The following FDPS variants were observed in gnomAD, a reference collection of about 807,000 sequenced individuals.
FDPS encodes farnesyl diphosphate synthase.
In FDPS, 29 loss-of-function variants were observed where a neutral mutation model predicts 49.5. That is an observed-to-expected ratio of 0.59 (90% confidence interval 0.44 to 0.80). The LOEUF (loss-of-function observed/expected upper bound fraction) is 0.80, where lower values mean the gene tolerates loss of function less well. Ranked by LOEUF, FDPS falls within the 30% of genes least tolerant of loss-of-function variation. The pLI, the probability that FDPS is intolerant of heterozygous loss-of-function variation, is 0.00. For synonymous variants in FDPS, 172 were observed against 206.4 expected (o/e 0.83, Z 1.43); for missense variants, 414 against 525.6 (o/e 0.79, Z 2.08).
Position 155,318,125 on chromosome 1 carries a change from C to A in FDPS, c.562-44C>A. 6.2e-7 allele frequency: 1 copy of A among 1,613,822 alleles called. No individual in the cohort carries two copies. Among genetic ancestry groups the A allele is most frequent in the Non-Finnish European group, 8.5e-7 (1 of 1,179,924 alleles). The stretch of plus-strand genomic sequence containing the variant: ...TGGGGTGATGGCTCTTAGTATGAAC[C>A]GAGACTAGAGATTGATTGCTTGTTT... On this transcript the variant is annotated intron_variant, in intron 5 of 10. Coordinates refer to ENST00000368356, the MANE Select transcript of FDPS (RefSeq NM_002004.4). The surrounding 1 kb of genome is among the most constrained non-coding windows in gnomAD (Gnocchi z 4.2).
At position 155,317,999 on chromosome 1, in the gene FDPS, G is replaced by T. The variant is rs932949076; in HGVS notation, c.539G>T (p.Gly180Val). The change falls in exon 5 of 11, where the codon GGA becomes GTA. Residue 180 changes from glycine to valine, a missense_variant. Transcript: ENST00000368356. Reference sequence around the variant, plus strand: ...ATGGATTCATCCCTTACCCGCCGGGGACAGATCTGCTGGTATCAGAAGGTA... The same window carrying T: ...ATGGATTCATCCCTTACCCGCCGGGTACAGATCTGCTGGTATCAGAAGGTA... ...DIMDSSLTRR[G>V]QICWYQKPGV... 3.5e-5 allele frequency: 57 copies of T among 1,613,780 alleles called. No individual in the cohort carries two copies. The highest frequency in any genetic ancestry group is 4.2e-5 in the Non-Finnish European group (50 of 1,180,026).
chr1:155,319,109 A>C (rs1030029568), intron 8 of FDPS, among the ~76,000 whole-genome samples, 181 bp downstream of exon 8: 1 of 152,210 alleles, frequency 6.6e-6, no homozygotes, highest in Non-Finnish European at 1.5e-5. Context: ...AGGACTGTAA[A>C]GATTAAGCAA....
At position 155,320,128 on chromosome 1, in the gene FDPS, G is replaced by C. The variant is rs564760041; in HGVS notation, c.1059+200G>C. 83 of 679,396 alleles carry C rather than the reference G, an allele frequency of 1.2e-4. No homozygotes were observed. In the East Asian group the frequency reaches 1.8e-3, roughly 14 times the overall value. 42.1% of individuals were successfully genotyped at this position (679,396 alleles called of 1,614,324 possible). A position where few individuals can be genotyped will look rare whatever the true frequency, so the allele number is the denominator to read the frequency against. On this transcript the variant is annotated intron_variant, in intron 10 of 10. Transcript: ENST00000368356. ...AGCCAAAGATGTTGCCAAACATGTA[G>C]TACACAGAACAGCTCCCCCAGACAG...
At position 155,320,489 on chromosome 1, in the gene FDPS, C is replaced by A. The variant is rs1650239413; in HGVS notation, c.1140C>A (p.Phe380Leu). 1 of 1,613,892 alleles carries A rather than the reference C, an allele frequency of 6.2e-7. No homozygotes were observed. The highest frequency in any genetic ancestry group is 8.5e-7 in the Non-Finnish European group (1 of 1,180,030). The change falls in exon 11 of 11, where the codon TTC (phenylalanine) becomes TTA (leucine). Residue 380 changes from phenylalanine (F) to leucine (L), a missense_variant. Phe to Leu is a conservative substitution (Grantham distance 22). Coordinates refer to ENST00000368356, the MANE Select transcript of FDPS (RefSeq NM_002004.4). ...LYEELDLPAV[F>L]LQYEEDSYSH... is the part of the protein sequence containing the mutation. ...AGGAGCTGGATCTGCCAGCAGTGTT[C>A]TTGCAATATGAGGAAGACAGTTACA...
intron 4 of FDPS, among the ~76,000 whole-genome samples, chr1:155,314,470 C>T (rs10796941): frequency 0.27 from 40,187 of 151,314 alleles, 5,935 homozygotes; most frequent in East Asian, 0.72. Flanking sequence ...TGAGCCACCA[C>T]GCCTGGTCTA....
intron 10 of FDPS, 153 bp downstream of exon 10, chr1:155,320,081 G>A (rs1365116002): frequency 2.3e-6 from 2 of 881,676 alleles, no homozygotes; most frequent in African/African-American, 1.7e-5. Context: ...TGTGCATGTG[G>A]TACAGACATC....
intron 3 of FDPS, among the ~76,000 whole-genome samples, chr1:155,311,324 G>T (rs1648779446): frequency 6.6e-6 from 1 of 152,158 alleles, no homozygotes; most frequent in Non-Finnish European, 1.5e-5. Context: ...GAGTGACATA[G>T]CGAGATGAAG....
intron 9 of FDPS, 40 bp downstream of exon 9, chr1:155,319,728 C>A: frequency 6.2e-7 from 1 of 1,613,908 alleles, no homozygotes; most frequent in East Asian, 2.2e-5. Context: ...CAGGCACCAG[C>A]TTCACTCCTC....
chr1:155,316,452 C>A (rs1413026851), intron 4 of FDPS, among the ~76,000 whole-genome samples: 1 of 151,968 alleles, frequency 6.6e-6, no homozygotes, highest in Admixed American at 6.6e-5. Flanking sequence ...ACCCTTGTCT[C>A]TTTAAAAAAG....
intron 4 of FDPS, chr1:155,312,608 T>C: frequency 3.6e-6 from 2 of 549,840 alleles, no homozygotes; most frequent in Non-Finnish European, 6.5e-6. Flanking sequence ...TGTAGATAGT[T>C]GTAGACAGTG....
At position 155,314,926 on chromosome 1, in the gene FDPS, A is replaced by G. The variant is rs189142616; in HGVS notation, c.480+2531A>G. 1.9e-3 allele frequency among the ~76,000 whole-genome samples: 286 copies of G among 152,148 alleles called. 3 individuals are homozygous for G. Among genetic ancestry groups the G allele is most frequent in the Non-Finnish European group, 1.8e-3 (122 of 68,012 alleles). On this transcript the variant is annotated intron_variant, in intron 4 of 10. Transcript: ENST00000368356. ...GTTGAGTGGTGGTGGCTGAAACAAG[A>G]TTGTCCTTGCAGTCACCCTTGGGAG...
chr1:155,310,074 G>A lies in FDPS; in HGVS notation c.208G>A (p.Asp70Asn), dbSNP rs937969772. 6.2e-7 allele frequency: 1 copy of A among 1,613,834 alleles called. No individual in the cohort carries two copies. Residue 70 changes from aspartate to asparagine, a missense_variant, in exon 3 of 11, where the codon GAC becomes AAC. By Grantham distance (23) the Asp-to-Asn change is conservative (BLOSUM62 1). Transcript: ENST00000368356. ...ALCSSLRMNG[D>N]QNSDVYAQEK... ...TTGCTCCTCCCTCAGAATGAACGGA[G>A]ACCAGAATTCAGATGTTTATGCCCA...
At chr1:155,316,549 A>G (rs1043004185) in intron 4 of FDPS, among the ~76,000 whole-genome samples, 4 of 152,086 alleles carry the variant, frequency 2.6e-5, no homozygotes, top group Non-Finnish European at 4.4e-5. Context: ...AGGCCGAGGC[A>G]GGCGGATCAC....
intron 1 of FDPS, 158 bp from the exon 2 acceptor site, chr1:155,309,631 C>T (rs1648570728): frequency 8.3e-6 from 5 of 605,104 alleles, no homozygotes; most frequent in Middle Eastern, 4.5e-4. Context: ...CCCTGCGTAT[C>T]CTTCCTGTAA....
Position 155,312,566 on chromosome 1 carries a change from G to T in FDPS, c.480+171G>T. The T allele has an allele frequency of 4.4e-6, 3 of 680,078 alleles. No homozygotes were observed. The South Asian group carries it at 5.6e-5, about 13-fold the overall frequency. 42.1% of individuals were successfully genotyped at this position (680,078 alleles called of 1,614,324 possible). A position where few individuals can be genotyped will look rare whatever the true frequency, so the allele number is the denominator to read the frequency against. ...CACTCCAAGGGTTAACTAATGTGGG[G>T]AGCCTCTTTTGGCATTAGGTATGAA... On this transcript the variant is annotated intron_variant, in intron 4 of 10. Coordinates refer to ENST00000368356, the MANE Select transcript of FDPS (RefSeq NM_002004.4).
chr1:155,319,474 T>G, intron 8 of FDPS, 137 bp from the exon 9 acceptor site: 1 of 852,038 alleles, frequency 1.2e-6, no homozygotes, highest in Non-Finnish European at 1.9e-6. Context: ...CAGGACTGTC[T>G]AGGTCAGGGA....
chr1:155,313,225 C>T lies in FDPS; in HGVS notation c.480+830C>T, dbSNP rs117811838. ...CTGAGTGGATGCAACTTCTGCAAGACGGCATGTGTTCTCCTGTGTGCTTTC... is the reference window on the plus strand; with the variant it reads ...CTGAGTGGATGCAACTTCTGCAAGATGGCATGTGTTCTCCTGTGTGCTTTC... On this transcript the variant is annotated intron_variant, in intron 4 of 10. Coordinates refer to ENST00000368356, the MANE Select transcript of FDPS (RefSeq NM_002004.4). Among the ~76,000 whole-genome samples the T allele has an allele frequency of 5.1e-4, 77 of 152,308 alleles. No individual in the cohort carries two copies. In the East Asian group the frequency reaches 9.1e-3, roughly 18 times the overall value.
Position 155,310,035 on chromosome 1 carries a change from C to T in FDPS, c.177-8C>T, listed in dbSNP as rs1648623868. 6.2e-7 allele frequency: 1 copy of T among 1,613,004 alleles called. No individual in the cohort carries two copies. Among genetic ancestry groups the T allele is most frequent in the Non-Finnish European group, 8.5e-7 (1 of 1,179,956 alleles). On this transcript the variant is annotated splice_region_variant and splice_polypyrimidine_tract_variant and intron_variant, in intron 2 of 10. Coordinates refer to ENST00000368356, the MANE Select transcript of FDPS (RefSeq NM_002004.4). ...ATCAGGTTTCTGACTTGTTTTTCTT[C>T]TACTTAGAGCCCTTTGCTCCTCCCT...
intron 3 of FDPS, among the ~76,000 whole-genome samples, chr1:155,310,978 C>T (rs1648738706): frequency 1.3e-5 from 2 of 151,908 alleles, no homozygotes; most frequent in Non-Finnish European, 2.9e-5. Flanking sequence ...TTTATAAATG[C>T]TGTCTATCTC....
Sources: gnomAD v4.1 joint callset for allele counts (sites outside exome capture counted in the v4.1 genomes callset) on GRCh38, gnomAD v4.1.1 for gene constraint, Gnocchi (gnomAD v3.1) non-coding constraint, MANE v1.5 for transcripts, NCBI Gene and HGNC (gene_info 2026-07-23, HGNC 2026-07-21) for gene names.